PRR14L: variants seen among roughly 807,000 people sequenced by gnomAD.
PRR14L encodes protein PRR14L.
PRR14L carries 80 observed loss-of-function variants against 155.0 expected under a neutral mutation model. That is an observed-to-expected ratio of 0.52 (90% CI 0.43 to 0.62). PRR14L has a LOEUF of 0.62. Ranked by LOEUF, PRR14L falls within the 20% of genes least tolerant of loss-of-function variation. PRR14L has a pLI of 0.00. For missense variants in PRR14L, 2,469 were observed against 2,548.0 expected (o/e 0.97, Z 0.67); for synonymous variants, 883 against 916.0 (o/e 0.96, Z 0.65).
Position 31,738,538 on chromosome 22 carries a change from A to T in PRR14L, c.323T>A (p.Leu108Ter). ...TAGGSVASGI[L>*]DRAKRSESME... ...GCTCTCGCTTCTCTTTGCCCTATCC[A>T]AGATCCCAGATGCCACAGAACCTCC... Residue 108 changes from leucine to a stop codon, truncating the protein, a stop_gained, in exon 2 of 9, where the codon TTG becomes TAG. Coordinates refer to ENST00000327423, the MANE Select transcript of PRR14L (RefSeq NM_173566.3). LOFTEE classifies it high-confidence loss of function. 7.7e-6 allele frequency: 12 copies of T among 1,551,998 alleles called. No homozygotes were observed. The highest frequency in any genetic ancestry group is 1.0e-5 in the Non-Finnish European group (12 of 1,147,056).
At chr22:31,739,361 G>A (rs183915185) in intron 1 of PRR14L, among the ~76,000 whole-genome samples, 3 of 152,148 alleles carry the variant, frequency 2.0e-5, no homozygotes, top group Admixed American at 1.3e-4. Flanking sequence ...AATATATACT[G>A]AGGAACTCTG....
At chr22:31,702,611 G>C (rs747757425) in intron 6 of PRR14L, among the ~76,000 whole-genome samples, 1 of 152,084 alleles carries the variant, frequency 6.6e-6, no homozygotes, top group Non-Finnish European at 1.5e-5. Context: ...CACCTCCTGG[G>C]TTTAAGCGAA....
At chr22:31,738,218 G>A (rs182713255) in intron 2 of PRR14L, among the ~76,000 whole-genome samples, 169 bp downstream of exon 2, 16 of 152,280 alleles carry the variant, frequency 1.1e-4, no homozygotes, top group African/African-American at 3.6e-4. Context: ...TCAAGTGTCT[G>A]ATGTGACATA....
At chr22:31,738,076 A>AT (rs2074791951) in intron 2 of PRR14L, among the ~76,000 whole-genome samples, 1 of 152,098 alleles carries the variant, frequency 6.6e-6, no homozygotes, top group African/African-American at 2.4e-5. Context: ...CTACCAAAAC[A>AT]TAAGGACTGA....
chr22:31,686,144 G>C (rs1298716557), intron 8 of PRR14L, among the ~76,000 whole-genome samples: 1 of 151,374 alleles, frequency 6.6e-6, no homozygotes, highest in Non-Finnish European at 1.5e-5. Context: ...TGTCACCCAG[G>C]CTGGAGTGCA....
At chr22:31,688,011 GAC>G (rs899962890) in intron 8 of PRR14L, 143 bp downstream of exon 8, 47 of 734,906 alleles carry the variant, frequency 6.4e-5, no homozygotes, top group Non-Finnish European at 9.2e-5. Flanking sequence ...CAGCCTGGGC[GAC>G]AGAGACTCTG....
intron 5 of PRR14L, 28 bp from the exon 6 acceptor site, chr22:31,703,749 G>A (rs1457775032): frequency 2.1e-6 from 3 of 1,414,468 alleles, no homozygotes; most frequent in Non-Finnish European, 2.8e-6. Context: ...AAGAAGATAT[G>A]AGAGGGGTTC....
At chr22:31,746,900 C>T (rs944994081) in intron 1 of PRR14L, among the ~76,000 whole-genome samples, 52 of 151,018 alleles carry the variant, frequency 3.4e-4, no homozygotes, top group African/African-American at 9.7e-4. Context: ...GGGTTCATGC[C>T]ATTCTCCTGC....
At chr22:31,738,262 T>C in intron 2 of PRR14L, 125 bp downstream of exon 2, 2 of 844,018 alleles carry the variant, frequency 2.4e-6, no homozygotes, top group Non-Finnish European at 3.6e-6. Context: ...CAAAGTTAAC[T>C]TCAAAATCGA....
At chr22:31,702,040 T>C (rs1448817734) in intron 6 of PRR14L, among the ~76,000 whole-genome samples, 2 of 152,042 alleles carry the variant, frequency 1.3e-5, no homozygotes, top group African/African-American at 4.8e-5. Flanking sequence ...GCTCAACTGA[T>C]CCTTTTGCCT....
chr22:31,694,443 G>A (rs1376779121), intron 7 of PRR14L, among the ~76,000 whole-genome samples: 1 of 152,118 alleles, frequency 6.6e-6, no homozygotes, highest in East Asian at 1.9e-4. Context: ...CCAACATGGT[G>A]AAACCCTGTC....
rs752781681 is a variant in PRR14L at position 31,714,760 on chromosome 22, A to C, written c.3079T>G (p.Cys1027Gly). The change falls in exon 4 of 9, where the codon TGT becomes GGT. Residue 1027 changes from cysteine to glycine, a missense_variant. Coordinates refer to ENST00000327423, the MANE Select transcript of PRR14L (RefSeq NM_173566.3). ...AAATTGCATTTCTTTGGACTACCAC[A>C]AGGTAGTGAGTTATTACTGCCTGAG... ...VSSGSNNSLP[C>G]GSPKKCNLKG... The C allele has an allele frequency of 3.9e-6, 6 of 1,552,210 alleles. No homozygotes were observed. In the African/African-American group the frequency reaches 6.8e-5, roughly 18 times the overall value.
intron 2 of PRR14L, among the ~76,000 whole-genome samples, chr22:31,728,569 C>T (rs1371810715): frequency 1.3e-5 from 2 of 149,478 alleles, no homozygotes; most frequent in Non-Finnish European, 3.0e-5. Context: ...GCGGAGATCG[C>T]GCCACTGCAC....
chr22:31,687,989 G>A (rs1267439336), intron 8 of PRR14L, among the ~76,000 whole-genome samples, 167 bp downstream of exon 8: 1 of 146,668 alleles, frequency 6.8e-6, no homozygotes, highest in African/African-American at 2.5e-5. Context: ...CCGAGATTGC[G>A]CCATTGCACT....
chr22:31,690,298 C>A (rs2074504608), intron 7 of PRR14L, among the ~76,000 whole-genome samples: 1 of 152,174 alleles, frequency 6.6e-6, no homozygotes, highest in South Asian at 2.1e-4. Flanking sequence ...ATCCACCCAC[C>A]TCGGCCTCTG....
chr22:31,712,572 G>C lies in PRR14L; in HGVS notation c.5267C>G (p.Pro1756Arg), dbSNP rs1383797537. 6.4e-7 allele frequency: 1 copy of C among 1,551,680 alleles called. No homozygotes were observed. Among genetic ancestry groups the C allele is most frequent in the Non-Finnish European group, 8.7e-7 (1 of 1,146,994 alleles). The change falls in exon 4 of 9, where the codon CCG becomes CGG. Residue 1756 changes from proline to arginine, a missense_variant. Pro to Arg is a moderately radical substitution (Grantham distance 103, BLOSUM62 -2). This residue lies in a region of PRR14L where 2,363 missense variants were observed against 2,371.6 expected (regional missense o/e 1.00). Transcript: ENST00000327423. ...AAAGGTCCACTTGGGAGGTTGAGAC[G>C]GGCACTGGAGGGCCTCTCCTAAGGC... is the stretch of plus-strand genomic sequence containing the variant. Reference protein sequence around the residue: ...RLALGEALQCPSQPPKWTFSF... With the variant: ...RLALGEALQCRSQPPKWTFSF...
intron 2 of PRR14L, among the ~76,000 whole-genome samples, chr22:31,731,564 T>TC (rs1351830706): frequency 3.9e-5 from 2 of 51,018 alleles, no homozygotes; most frequent in Non-Finnish European, 6.4e-5. Context: ...TGAGACTGTC[T>TC]CAAAAAAAAA....
rs866471251 is a variant in PRR14L at position 31,713,796 on chromosome 22, T to C, written c.4043A>G (p.Tyr1348Cys). The C allele has an allele frequency of 1.3e-6, 2 of 1,552,406 alleles. No individual in the cohort carries two copies. Among genetic ancestry groups the C allele is most frequent in the Middle Eastern group, 3.3e-4 (2 of 5,998 alleles). ...CTCAGATTGCTCCCCAACAGTTAAG[T>C]AACCCAGTCGTCCCCTCTGATGCTC... ...TEEHQRGRLG[Y>C]LTVGEQSEEL... The change falls in exon 4 of 9, where the codon TAC (tyrosine) becomes TGC (cysteine). Residue 1348 changes from tyrosine (Y) to cysteine (C), a missense_variant. Transcript: ENST00000327423.
At chr22:31,740,896 G>A (rs1430285955) in intron 1 of PRR14L, among the ~76,000 whole-genome samples, 2 of 151,970 alleles carry the variant, frequency 1.3e-5, no homozygotes, top group Non-Finnish European at 2.9e-5. Flanking sequence ...AATCCCAGCA[G>A]TTTGGGAGGC....
Sources: allele counts gnomAD v4.1 joint callset (sites outside exome capture counted in the v4.1 genomes callset), GRCh38; gene constraint gnomAD v4.1.1; regional missense constraint gnomAD v4.1.1; transcripts MANE v1.5; gene names NCBI Gene and HGNC (gene_info 2026-07-23, HGNC 2026-07-21).